Variants in STPG2 observed in about 807,000 individuals in gnomAD.
The protein encoded by STPG2 is sperm-tail PG-rich repeat-containing protein 2.
A neutral mutation model predicts 54.2 loss-of-function variants in STPG2; 56 were observed. The ratio of observed to expected loss-of-function variants is 1.03; its 90% CI spans 0.83 to 1.29. The LOEUF (loss-of-function observed/expected upper bound fraction) is 1.29, where lower values mean the gene tolerates loss of function less well. Ranked by LOEUF, STPG2 falls within the 50% of genes most tolerant of loss-of-function variation. The probability of loss-of-function intolerance (pLI) is 0.00; values close to 1 mark genes in which losing one functional copy is unlikely to be tolerated. For missense variants in STPG2, 596 were observed against 544.9 expected, an observed-to-expected ratio of 1.09 and a Z score of -0.93; for synonymous variants, 200 against 181.8, an observed-to-expected ratio of 1.10 and a Z score of -0.81.
intron 9 of STPG2, among the ~76,000 whole-genome samples, chr4:97,839,630 A>G (rs1728738522): frequency 6.6e-6 from 1 of 151,602 alleles, no homozygotes; most frequent in Non-Finnish European, 1.5e-5. Flanking sequence ...ACTTCACAGC[A>G]AAGCTAAAAC....
intron 4 of STPG2, among the ~76,000 whole-genome samples, chr4:97,469,950 T>C (rs1449710792): frequency 1.3e-5 from 2 of 152,110 alleles, no homozygotes; most frequent in Admixed American, 1.3e-4. Flanking sequence ...AAAGAGATTT[T>C]AATTTGAGCA....
intron 10 of STPG2, among the ~76,000 whole-genome samples, chr4:97,678,936 C>A (rs1161467285): frequency 6.6e-6 from 1 of 152,066 alleles, no homozygotes; most frequent in Non-Finnish European, 1.5e-5. Flanking sequence ...TCATCCATGT[C>A]CCTACAAAGG....
intron 8 of STPG2, among the ~76,000 whole-genome samples, chr4:97,927,231 T>C (rs1732365025): frequency 6.6e-6 from 1 of 152,100 alleles, no homozygotes; most frequent in South Asian, 2.1e-4. Context: ...TTATAACTGA[T>C]AAGTGATACA....
intron 5 of STPG2, among the ~76,000 whole-genome samples, chr4:97,994,642 G>A (rs187085729): frequency 1.1e-3 from 175 of 152,262 alleles, no homozygotes; most frequent in African/African-American, 3.9e-3. Flanking sequence ...TGTGCAAAGC[G>A]ATGTGACCCA....
intron 3 of STPG2, among the ~76,000 whole-genome samples, chr4:98,125,627 G>T (rs534877442): frequency 1.3e-5 from 2 of 152,292 alleles, no homozygotes; most frequent in African/African-American, 4.8e-5. Flanking sequence ...CTATTGGAAG[G>T]TCTCACCCAG....
chr4:97,884,333 C>A (rs750812379), intron 8 of STPG2, among the ~76,000 whole-genome samples: 3 of 152,058 alleles, frequency 2.0e-5, no homozygotes, highest in Non-Finnish European at 4.4e-5. Context: ...ACTATATTTG[C>A]AGATCAGGCA....
intron 10 of STPG2, among the ~76,000 whole-genome samples, chr4:97,564,051 T>G (rs1362424931): frequency 6.6e-6 from 1 of 152,188 alleles, no homozygotes; most frequent in Non-Finnish European, 1.5e-5. Context: ...TCTCCCATTA[T>G]TATTGTGTGA....
chr4:97,541,156 A>G (rs969087235), intron 4 of STPG2, among the ~76,000 whole-genome samples: 4 of 152,134 alleles, frequency 2.6e-5, no homozygotes, highest in African/African-American at 4.8e-5. Flanking sequence ...AGGGTATTCA[A>G]TTAGGAAAAG....
chr4:97,767,343 T>A (rs1289361130), intron 9 of STPG2, among the ~76,000 whole-genome samples: 1 of 152,150 alleles, frequency 6.6e-6, no homozygotes, highest in African/African-American at 2.4e-5. Flanking sequence ...TTTTGTCCCA[T>A]CCTTGCTAAT....
At chr4:97,921,525 T>G (rs930018152) in intron 8 of STPG2, among the ~76,000 whole-genome samples, 14 of 149,498 alleles carry the variant, frequency 9.4e-5, no homozygotes, top group Non-Finnish European at 2.1e-4. Context: ...CACAGAGAGC[T>G]CCAATAGTAC....
intron 10 of STPG2, among the ~76,000 whole-genome samples, chr4:97,600,602 T>C (rs575278648): frequency 8.5e-5 from 13 of 152,260 alleles, no homozygotes; most frequent in African/African-American, 2.6e-4. Context: ...CCTATGCAGA[T>C]AATATTTATC....
intron 4 of STPG2, among the ~76,000 whole-genome samples, chr4:97,536,660 T>C (rs1731538845): frequency 6.6e-6 from 1 of 152,158 alleles, no homozygotes; most frequent in South Asian, 2.1e-4. Context: ...AGAGACATGT[T>C]AGAAAGGTTG....
At chr4:97,613,721 T>C (rs1733789858) in intron 10 of STPG2, among the ~76,000 whole-genome samples, 1 of 152,094 alleles carries the variant, frequency 6.6e-6, no homozygotes, top group South Asian at 2.1e-4. Flanking sequence ...TCCAGTACAA[T>C]ACAAAAATAT....
intron 10 of STPG2, among the ~76,000 whole-genome samples, chr4:97,574,726 G>T (rs2148886214): frequency 6.6e-6 from 1 of 152,104 alleles, no homozygotes; most frequent in Middle Eastern, 3.4e-3. Flanking sequence ...GTGGGAGGAG[G>T]TCAGAAAGAC....
intron 3 of STPG2, among the ~76,000 whole-genome samples, chr4:98,120,920 T>C (rs1578180355): frequency 6.6e-6 from 1 of 152,214 alleles, no homozygotes; most frequent in Admixed American, 6.5e-5. Context: ...GTCCCAGTTG[T>C]CAATTTTTGC....
At chr4:97,442,768 T>C (rs1162342461) in intron 4 of STPG2, among the ~76,000 whole-genome samples, 1 of 152,152 alleles carries the variant, frequency 6.6e-6, no homozygotes. Flanking sequence ...AACCATAACA[T>C]ATTCTTAGTT....
rs573575756 is a variant in STPG2 at position 97,895,740 on chromosome 4, G to A, written c.1044+48157C>T. 4.0e-5 allele frequency among the ~76,000 whole-genome samples: 6 copies of A among 151,718 alleles called. No individual in the cohort carries two copies. In the South Asian group the frequency reaches 1.2e-3, roughly 31 times the overall value. ...CATAAAACAGACAAAGAAACAAATG[G>A]ACTTAAATAATACAGTAAGTTACGG... On this transcript the variant is annotated intron_variant, in intron 8 of 10. Transcript: ENST00000295268.
At chr4:97,809,543 A>T (rs2149096002) in intron 9 of STPG2, among the ~76,000 whole-genome samples, 2 of 152,336 alleles carry the variant, frequency 1.3e-5, no homozygotes, top group East Asian at 3.9e-4. Context: ...TCAGAATTTG[A>T]AGCATGAGAA....
chr4:97,477,563 G>A (rs1475970542), intron 4 of STPG2, among the ~76,000 whole-genome samples: 8 of 144,954 alleles, frequency 5.5e-5, no homozygotes, highest in South Asian at 2.3e-4. Context: ...TGCAAGCTCC[G>A]CCTCCCAGGT....
Sources: allele counts gnomAD v4.1 joint callset (sites outside exome capture counted in the v4.1 genomes callset), GRCh38; gene constraint gnomAD v4.1.1; transcripts MANE v1.5; gene names NCBI Gene and HGNC (gene_info 2026-07-23, HGNC 2026-07-21).